The following ESR1 variants were observed in gnomAD, a reference collection of about 807,000 sequenced individuals.
ESR1 encodes the protein estrogen receptor 1, also known as estrogen receptor.
In ESR1, 12 loss-of-function variants were observed where a neutral mutation model predicts 52.7. The ratio of observed to expected loss-of-function variants is 0.23; its 90% CI spans 0.15 to 0.37. The LOEUF (loss-of-function observed/expected upper bound fraction) is 0.37, where lower values mean the gene tolerates loss of function less well. Ranked by LOEUF, ESR1 falls within the 10% of genes least tolerant of loss-of-function variation. The probability of loss-of-function intolerance (pLI) is 1.00; values close to 1 mark genes in which losing one functional copy is unlikely to be tolerated. For missense variants in ESR1, 584 were observed against 779.7 expected (o/e 0.75, Z 2.99); for synonymous variants, 305 against 316.8 (o/e 0.96, Z 0.39).
intron 5 of ESR1, among the ~76,000 whole-genome samples, chr6:152,059,901 G>A (rs941589900): frequency 6.6e-6 from 1 of 152,132 alleles, no homozygotes; most frequent in African/African-American, 2.4e-5. Context: ...AGTTGATGGA[G>A]AACTCCAAGG....
In ESR1 at chr6:151,914,792, C is replaced by T. The variant is rs116379334; in HGVS notation, c.761-29381C>T. Reference sequence around the variant, plus strand: ...AAGCGTCCTCCATAGTACATAATACCGTAAGCACTCCATAAGGTAATTCTT... The same window carrying T: ...AAGCGTCCTCCATAGTACATAATACTGTAAGCACTCCATAAGGTAATTCTT... On this transcript the variant is annotated intron_variant, in intron 3 of 7. Transcript: ENST00000206249. Among the ~76,000 whole-genome samples, 1,148 of 152,182 alleles carry T rather than the reference C, an allele frequency of 7.5e-3. 15 individuals are homozygous for T. The highest frequency in any genetic ancestry group is 0.027 in the African/African-American group (1,102 of 41,506).
intron 2 of ESR1, among the ~76,000 whole-genome samples, chr6:151,852,903 G>A (rs1225849440): frequency 2.0e-5 from 3 of 151,816 alleles, no homozygotes; most frequent in East Asian, 3.9e-4. Flanking sequence ...GGCCGGGTGC[G>A]GTGGCTCATG....
intron 3 of ESR1, among the ~76,000 whole-genome samples, chr6:151,894,438 G>A (rs1191227450): frequency 1.3e-5 from 2 of 151,894 alleles, no homozygotes; most frequent in African/African-American, 2.4e-5. Context: ...TTGCTTTTGG[G>A]TTTTTGGTCA....
At chr6:151,829,465 A>G (rs1164557567) in intron 1 of ESR1, among the ~76,000 whole-genome samples, 1 of 152,202 alleles carries the variant, frequency 6.6e-6, no homozygotes, top group Non-Finnish European at 1.5e-5. Context: ...TAGAAACGCA[A>G]TGGCTATCAC....
chr6:151,797,462 T>C (rs1441709193), intron 2 of ESR1, among the ~76,000 whole-genome samples: 1 of 152,234 alleles, frequency 6.6e-6, no homozygotes, highest in Non-Finnish European at 1.5e-5. Context: ...AAGGACTTTA[T>C]TCCTTTTTAT....
At chr6:151,861,703 T>G (rs1788920056) in intron 2 of ESR1, among the ~76,000 whole-genome samples, 1 of 152,148 alleles carries the variant, frequency 6.6e-6, no homozygotes, top group Non-Finnish European at 1.5e-5. Context: ...TAATTCTTGG[T>G]TGTTTAAAAA....
intron 5 of ESR1, among the ~76,000 whole-genome samples, chr6:152,012,414 T>C (rs1475582753): frequency 6.6e-6 from 1 of 151,968 alleles, no homozygotes; most frequent in Non-Finnish European, 1.5e-5. Context: ...CAGCTGCCAC[T>C]GATAGAGTCT....
chr6:151,988,293 A>G (rs2040688141), intron 4 of ESR1, among the ~76,000 whole-genome samples: 1 of 152,110 alleles, frequency 6.6e-6, no homozygotes, highest in African/African-American at 2.4e-5. Context: ...TTAGATTATC[A>G]TAAGGAGTGC....
chr6:151,681,216 G>A (rs1778446811), intron 1 of ESR1, among the ~76,000 whole-genome samples: 1 of 152,202 alleles, frequency 6.6e-6, no homozygotes. Flanking sequence ...ACATCCCTGT[G>A]AATGATTCTT....
At chr6:151,935,965 A>T (rs915203996) in intron 3 of ESR1, among the ~76,000 whole-genome samples, 2 of 152,216 alleles carry the variant, frequency 1.3e-5, no homozygotes, top group African/African-American at 4.8e-5. Context: ...CTTTTTCATT[A>T]TGTAACATGA....
intron 3 of ESR1, among the ~76,000 whole-genome samples, chr6:151,906,457 ATT>A (rs1045079000): frequency 1.3e-5 from 2 of 151,884 alleles, no homozygotes; most frequent in African/African-American, 4.8e-5. Flanking sequence ...TTCTTAAGAC[ATT>A]TTTAATATTT....
intron 3 of ESR1, among the ~76,000 whole-genome samples, chr6:151,941,245 G>T (rs1034539300): frequency 6.6e-6 from 1 of 152,044 alleles, no homozygotes; most frequent in Non-Finnish European, 1.5e-5. Flanking sequence ...TCTCTCTGTA[G>T]ATCCGCTATT....
chr6:152,006,467 A>G (rs548734269), intron 4 of ESR1, among the ~76,000 whole-genome samples: 11 of 152,094 alleles, frequency 7.2e-5, no homozygotes, highest in African/African-American at 2.6e-4. Flanking sequence ...ATAAGTTACT[A>G]TTTTTTGGAG....
chr6:151,843,175 T>C (rs899946225), intron 2 of ESR1, among the ~76,000 whole-genome samples: 4 of 152,216 alleles, frequency 2.6e-5, no homozygotes, highest in African/African-American at 9.6e-5. Context: ...ATGCTGTTAA[T>C]TGTCCATGCA....
intron 3 of ESR1, among the ~76,000 whole-genome samples, chr6:151,942,620 G>A (rs977757297): frequency 6.6e-6 from 1 of 150,898 alleles, no homozygotes; most frequent in Non-Finnish European, 1.5e-5. Flanking sequence ...TGTTTTTGAA[G>A]TGTCATTTAA....
intron 2 of ESR1, among the ~76,000 whole-genome samples, chr6:151,750,322 C>T (rs749748936): frequency 1.3e-5 from 2 of 152,092 alleles, no homozygotes; most frequent in Non-Finnish European, 2.9e-5. Context: ...ATAATCGATG[C>T]TGTGTAATAA....
At chr6:152,016,358 A>G (rs60466629) in intron 5 of ESR1, among the ~76,000 whole-genome samples, 5,781 of 152,206 alleles carry the variant, frequency 0.038, 296 homozygotes, top group African/African-American at 0.12. Flanking sequence ...ATATTTAAAT[A>G]TTAATATTTA....
At chr6:151,854,314 ACG>A (rs1365957446) in intron 2 of ESR1, among the ~76,000 whole-genome samples, 1 of 152,162 alleles carries the variant, frequency 6.6e-6, no homozygotes, top group Non-Finnish European at 1.5e-5. Context: ...TTTTCCACTT[ACG>A]TGTGGGTTAG....
intron 2 of ESR1, among the ~76,000 whole-genome samples, chr6:151,844,998 A>G (rs1033096913): frequency 2.0e-5 from 3 of 152,188 alleles, no homozygotes; most frequent in Non-Finnish European, 4.4e-5. Context: ...TACCAGTTAT[A>G]AATTAAAATT....
Sources: allele counts gnomAD v4.1 joint callset (sites outside exome capture counted in the v4.1 genomes callset), GRCh38; gene constraint gnomAD v4.1.1; transcripts MANE v1.5; gene names NCBI Gene and HGNC (gene_info 2026-07-23, HGNC 2026-07-21).